Variants in LHX3 observed in about 807,000 individuals in gnomAD.
LHX3 encodes LIM homeobox 3.
LHX3 carries 21 observed loss-of-function variants against 32.4 expected under a neutral mutation model. The observed-to-expected ratio is 0.65, with a 90% CI of 0.46 to 0.93. LHX3 has a LOEUF of 0.93. Among genes scored for constraint, LHX3 ranks in the 40% least tolerant of loss-of-function variants. LHX3 has a pLI of 0.00. For synonymous variants in LHX3, 258 were observed against 246.8 expected (o/e 1.05, Z -0.43); for missense variants, 626 against 560.0 (o/e 1.12, Z -1.19).
At chr9:136,202,230 G>C (rs116060867) in intron 1 of LHX3, among the ~76,000 whole-genome samples, 2 of 152,142 alleles carry the variant, frequency 1.3e-5, no homozygotes, top group East Asian at 3.9e-4. Context: ...AGGGAACCGC[G>C]AGCCCCCACA....
chr9:136,202,089 C>G (rs948455071), intron 1 of LHX3, among the ~76,000 whole-genome samples: 1 of 152,068 alleles, frequency 6.6e-6, no homozygotes, highest in African/African-American at 2.4e-5. Flanking sequence ...GGAGCCTGGA[C>G]GCCAGCCCGC....
In LHX3 at chr9:136,201,206, G is replaced by T. The variant is rs553721254; in HGVS notation, c.80-453C>A. 19 of 1,325,190 alleles carry T rather than the reference G, an allele frequency of 1.4e-5. No homozygotes were observed. In the African/African-American group the frequency reaches 2.7e-4, roughly 19 times the overall value. 82.1% of individuals were successfully genotyped at this position (1,325,190 alleles called of 1,614,324 possible). On this transcript the variant is annotated intron_variant, in intron 1 of 5. Transcript: ENST00000371748. ...CCATCGGGTCTCCTTCATGTTAAGC[G>T]TCATGGCCACTCTTTCTAGGGACTC...
At chr9:136,202,917 C>T (rs368697892) in intron 1 of LHX3, 1 of 1,530,822 alleles carries the variant, frequency 6.5e-7, no homozygotes, top group South Asian at 1.2e-5. Context: ...CTGGTCTCCC[C>T]GGTGCAGCCA....
chr9:136,197,028 T>G lies in LHX3; in HGVS notation c.*297A>C. Reference sequence around the variant, plus strand: ...TGGGCCTCAGCAAGGTGACATTTCATGTCTAGAAATAGCAGCAAGTGCTCA... The same window carrying G: ...TGGGCCTCAGCAAGGTGACATTTCAGGTCTAGAAATAGCAGCAAGTGCTCA... On this transcript the variant is annotated 3_prime_UTR_variant, in exon 6 of 6. Transcript: ENST00000371748. The G allele has an allele frequency of 1.2e-5, 6 of 517,460 alleles. No individual in the cohort carries two copies. Among genetic ancestry groups the G allele is most frequent in the East Asian group, 3.3e-5 (1 of 29,866 alleles). The allele number at this position is 517,460 out of a possible 1,614,324, so 32.1% of individuals were successfully genotyped here.
chr9:136,201,920 G>A (rs758097795), intron 1 of LHX3, among the ~76,000 whole-genome samples: 23 of 152,024 alleles, frequency 1.5e-4, no homozygotes, highest in Non-Finnish European at 2.9e-4. Context: ...ATTCAGCACC[G>A]CGGACCGGAC....
chr9:136,203,106 G>T, intron 1 of LHX3: 4 of 1,447,412 alleles, frequency 2.8e-6, no homozygotes, highest in African/African-American at 1.5e-5. Context: ...ACGCCACCCC[G>T]CAATAGCCCC....
In LHX3 at chr9:136,204,987, C is replaced by G; in HGVS notation, c.26G>C (p.Arg9Pro). ...GGCGGCCCCGGGCCTCGCTCGGTCG[C>G]GCTCGAGCCCCGTTTCCAGCAGCAT... Reference protein sequence around the residue: MLLETGLERDRARPGAAAV... With the variant: MLLETGLEPDRARPGAAAV... The change falls in exon 1 of 6, where the codon CGC becomes CCC. Residue 9 changes from arginine to proline, a missense_variant. Coordinates refer to ENST00000371748, the MANE Select transcript of LHX3 (RefSeq NM_178138.6). The G allele has an allele frequency of 6.3e-7, 1 of 1,592,008 alleles. No homozygotes were observed. Among genetic ancestry groups the G allele is most frequent in the South Asian group, 1.1e-5 (1 of 89,048 alleles).
At chr9:136,197,798 G>A (rs1388742030) in intron 5 of LHX3, 55 bp from the exon 6 acceptor site, 7 of 1,582,682 alleles carry the variant, frequency 4.4e-6, no homozygotes. Flanking sequence ...CGGCCCCTCA[G>A]AGTCCCATCC....
chr9:136,200,894 C>T, intron 1 of LHX3, 141 bp from the exon 2 acceptor site: 1 of 1,041,100 alleles, frequency 9.6e-7, no homozygotes, highest in South Asian at 1.4e-5. Flanking sequence ...TACACACCCT[C>T]TTCCCCAGCC....
In LHX3 at chr9:136,197,612, G is replaced by A. The variant is rs1408795647; in HGVS notation, c.907C>T (p.Pro303Ser). The change falls in exon 6 of 6, where the codon CCA becomes TCA. Residue 303 changes from proline (P) to serine (S), a missense_variant. Transcript: ENST00000371748. ...FSLEHGGLAG[P>S]EQYRELRPGS... Reference sequence around the variant, plus strand: ...GGACGCAGCTCTCGGTACTGCTCTGGGCCTGCCAGGCCTCCATGCTCCAGG... The same window carrying A: ...GGACGCAGCTCTCGGTACTGCTCTGAGCCTGCCAGGCCTCCATGCTCCAGG... 1 of 1,563,026 alleles carries A rather than the reference G, an allele frequency of 6.4e-7. No homozygotes were observed. The highest frequency in any genetic ancestry group is 8.7e-7 in the Non-Finnish European group (1 of 1,155,330).
intron 1 of LHX3, among the ~76,000 whole-genome samples, chr9:136,202,604 G>A (rs1488144730): frequency 2.6e-5 from 4 of 152,094 alleles, no homozygotes; most frequent in Non-Finnish European, 4.4e-5. Context: ...GCCTTCTTGG[G>A]GACCCTCCTG....
Position 136,199,832 on chromosome 9 carries a change from C to A in LHX3, c.300G>T (p.Thr100=). The change falls in exon 3 of 6, where the codon ACG becomes ACT. Residue 100 remains threonine (T), a synonymous_variant. Coordinates refer to ENST00000371748, the MANE Select transcript of LHX3 (RefSeq NM_178138.6). Reference sequence around the variant, plus strand: ...AGTCCTGGGCGCGGCGCACCACCTGCGTGGGCGGGATGCCCAGCTGGCACG... The same window carrying A: ...AGTCCTGGGCGCGGCGCACCACCTGAGTGGGCGGGATGCCCAGCTGGCACG... ...CAACQLGIPP[T]QVVRRAQDFV... The A allele has an allele frequency of 6.2e-7, 1 of 1,609,436 alleles. No individual in the cohort carries two copies. Among genetic ancestry groups the A allele is most frequent in the Admixed American group, 1.7e-5 (1 of 59,696 alleles).
At chr9:136,199,421 G>A (rs113965093) in intron 3 of LHX3, among the ~76,000 whole-genome samples, 2 of 152,266 alleles carry the variant, frequency 1.3e-5, no homozygotes, top group Non-Finnish European at 2.9e-5. Context: ...CAGCCTTCGC[G>A]GCCAAGAATT....
chr9:136,200,402 TG>T, intron 2 of LHX3, 179 bp downstream of exon 2: 1 of 681,702 alleles, frequency 1.5e-6, no homozygotes, highest in Non-Finnish European at 2.6e-6. Context: ...GGAGCACCCA[TG>T]GAGAGGCCCC....
chr9:136,205,066 C>G lies in LHX3; in HGVS notation c.-54G>C. The G allele has an allele frequency of 1.4e-5, 20 of 1,463,706 alleles. No individual in the cohort carries two copies. Among genetic ancestry groups the G allele is most frequent in the Non-Finnish European group, 1.8e-5 (20 of 1,083,376 alleles). The allele number at this position is 1,463,706 out of a possible 1,614,324, so 90.7% of individuals were successfully genotyped here. On this transcript the variant is annotated 5_prime_UTR_variant, in exon 1 of 6. Transcript: ENST00000371748. ...CGCGCTCCTCCTAGGTCAGCGTCCC[C>G]TGGAGGGTTCGGGGCTCCCAAGTCC...
chr9:136,200,023 GGC>G (rs1164367126), intron 2 of LHX3, 143 bp from the exon 3 acceptor site: 1 of 845,232 alleles, frequency 1.2e-6, no homozygotes, highest in Admixed American at 2.1e-5. Flanking sequence ...TCGCCAGCCT[GGC>G]CGCCGGGGCA....
Position 136,198,892 on chromosome 9 carries a change from A to G in LHX3, c.606+16T>C. The stretch of plus-strand genomic sequence containing the variant: ...CCAAGGCCGCGGGCGGGAGGGAAGC[A>G]GGGGCGAGCGCTGACCTGCACCACG... On this transcript the variant is annotated intron_variant, in intron 4 of 5. Coordinates refer to ENST00000371748, the MANE Select transcript of LHX3 (RefSeq NM_178138.6). The G allele has an allele frequency of 6.3e-7, 1 of 1,588,866 alleles. No individual in the cohort carries two copies. The highest frequency in any genetic ancestry group is 2.3e-5 in the East Asian group (1 of 44,390).
Position 136,199,745 on chromosome 9 carries a change from G to A in LHX3, c.387C>T (p.Asp129=). ...VVCKRQLATG[D]EFYLMEDSRL... is the part of the protein sequence containing the mutation. The stretch of plus-strand genomic sequence containing the variant: ...GGCTGTCCTCCATGAGGTAGAACTC[G>A]TCGCCCGTGGCCAGCTGCCGCTTGC... The change falls in exon 3 of 6, where the codon GAC becomes GAT. Residue 129 remains aspartate (D), a synonymous_variant. Transcript: ENST00000371748. The A allele has an allele frequency of 6.2e-7, 1 of 1,612,900 alleles. No individual in the cohort carries two copies.
At chr9:136,202,927 A>C in intron 1 of LHX3, 4 of 1,531,668 alleles carry the variant, frequency 2.6e-6, no homozygotes, top group South Asian at 1.2e-5. Context: ...CGGTGCAGCC[A>C]CTCGGCCCGG....
Sources: allele counts gnomAD v4.1 joint callset (sites outside exome capture counted in the v4.1 genomes callset), GRCh38; gene constraint gnomAD v4.1.1; transcripts MANE v1.5; gene names NCBI Gene and HGNC (gene_info 2026-07-23, HGNC 2026-07-21).